ANLN: variants seen among roughly 807,000 people sequenced by gnomAD.
ANLN encodes anillin.
In ANLN, 59 loss-of-function variants were observed where a neutral mutation model predicts 135.1. The observed-to-expected ratio is 0.44, with a 90% CI of 0.35 to 0.54. ANLN has a LOEUF of 0.54. Ranked by LOEUF, ANLN falls within the 20% of genes least tolerant of loss-of-function variation. The pLI is 0.00. For missense variants in ANLN, 1,182 were observed against 1,340.0 expected, an observed-to-expected ratio of 0.88 and a Z score of 1.84; for synonymous variants, 406 against 456.4, an observed-to-expected ratio of 0.89 and a Z score of 1.41.
At position 36,420,761 on chromosome 7, in the gene ANLN, A is replaced by G; in HGVS notation, c.2163+17A>G. On this transcript the variant is annotated intron_variant, in intron 12 of 23. Coordinates refer to ENST00000265748, the MANE Select transcript of ANLN (RefSeq NM_018685.5). ...AAAATGCAGGTATGTACTTTTGTGGAAAGGGGCTTTGGAATGTTTCTTGCA... is the reference window on the plus strand; with the variant it reads ...AAAATGCAGGTATGTACTTTTGTGGGAAGGGGCTTTGGAATGTTTCTTGCA... The G allele has an allele frequency of 6.2e-7, 1 of 1,613,106 alleles. No individual in the cohort carries two copies. The highest frequency in any genetic ancestry group is 1.1e-5 in the South Asian group (1 of 90,892).
chr7:36,410,835 A>G (rs1428278096), intron 6 of ANLN, 131 bp downstream of exon 6: 3 of 1,035,674 alleles, frequency 2.9e-6, no homozygotes, highest in Middle Eastern at 2.5e-4. Flanking sequence ...CACTAATTTC[A>G]GACAAGATTG....
chr7:36,446,624 G>T (rs946789945), intron 22 of ANLN, among the ~76,000 whole-genome samples: 9 of 152,208 alleles, frequency 5.9e-5, no homozygotes, highest in African/African-American at 2.2e-4. Flanking sequence ...ATCAGTTCAT[G>T]CGAGAACTCA....
chr7:36,420,358 T>G lies in ANLN; in HGVS notation c.2015+44T>G, dbSNP rs372760041. ...GGCATTCACTCACTAAGGGTCATGG[T>G]TTAGATTGACATAAGTCGTGTTATA... On this transcript the variant is annotated intron_variant, in intron 11 of 23. Transcript: ENST00000265748. 1.9e-6 allele frequency: 3 copies of G among 1,593,510 alleles called. No homozygotes were observed. In the African/African-American group the frequency reaches 4.1e-5, roughly 22 times the overall value.
At chr7:36,410,783 A>T in intron 6 of ANLN, 79 bp downstream of exon 6, 1 of 1,395,290 alleles carries the variant, frequency 7.2e-7, no homozygotes, top group Non-Finnish European at 9.8e-7. Context: ...TTCTGATGCC[A>T]GTCTTTTTGA....
intron 11 of ANLN, 55 bp downstream of exon 11, chr7:36,420,369 A>AT (rs1259735792): frequency 1.3e-6 from 2 of 1,570,364 alleles, no homozygotes; most frequent in Non-Finnish European, 1.7e-6. Flanking sequence ...TTAGATTGAC[A>AT]TAAGTCGTGT....
chr7:36,428,943 T>A (rs1299429478), intron 20 of ANLN, among the ~76,000 whole-genome samples: 1 of 151,836 alleles, frequency 6.6e-6, no homozygotes, highest in African/African-American at 2.4e-5. Flanking sequence ...CACATCTGGC[T>A]AGTTTTTGTA....
chr7:36,445,580 T>A (rs185301693), intron 22 of ANLN, among the ~76,000 whole-genome samples: 297 of 152,312 alleles, frequency 1.9e-3, no homozygotes, highest in Non-Finnish European at 3.5e-3. Context: ...ATTCTCCTGT[T>A]TAGAGACCCT....
At position 36,420,218 on chromosome 7, in the gene ANLN, A is replaced by T; in HGVS notation, c.1919A>T (p.Asp640Val). 1.2e-6 allele frequency: 2 copies of T among 1,614,100 alleles called. No homozygotes were observed. Among genetic ancestry groups the T allele is most frequent in the Non-Finnish European group, 1.7e-6 (2 of 1,179,966 alleles). The part of the protein sequence containing the change: ...RLELKDTSRS[D>V]ESPKPGKFQR... ...GAATTGAAAGACACCAGCAGAAGTG[A>T]TGAAAGTCCAAAACCAGGAAAATTC... The change falls in exon 11 of 24, where the codon GAT becomes GTT. Residue 640 changes from aspartate (D) to valine (V), a missense_variant. Around this residue, in one of 3 missense-constraint regions of ANLN, gnomAD observed 1,022 missense variants for 1,134.0 expected, o/e 0.90. Transcript: ENST00000265748.
intron 7 of ANLN, among the ~76,000 whole-genome samples, chr7:36,412,217 T>C (rs1007589419): frequency 6.6e-6 from 1 of 151,330 alleles, no homozygotes; most frequent in Non-Finnish European, 1.5e-5. Flanking sequence ...TCCTCTGCTA[T>C]TACCGAAGTT....
intron 22 of ANLN, among the ~76,000 whole-genome samples, chr7:36,445,934 T>C (rs2116815359): frequency 6.6e-6 from 1 of 152,348 alleles, no homozygotes; most frequent in African/African-American, 2.4e-5. Context: ...AATATACTCT[T>C]ATTTAAAAAA....
intron 3 of ANLN, among the ~76,000 whole-genome samples, chr7:36,401,535 C>T (rs561424565): frequency 6.6e-6 from 1 of 151,600 alleles, no homozygotes; most frequent in South Asian, 2.1e-4. Flanking sequence ...GATGAGGTTT[C>T]ACCATGTTGT....
At chr7:36,409,230 G>C (rs566486491) in intron 5 of ANLN, among the ~76,000 whole-genome samples, 38 of 152,316 alleles carry the variant, frequency 2.5e-4, no homozygotes, top group Middle Eastern at 3.4e-3. Context: ...CAGGGTTTCA[G>C]AGATATTTAT....
At chr7:36,424,637 C>A (rs1788006573) in intron 16 of ANLN, 44 bp downstream of exon 16, 1 of 1,599,034 alleles carries the variant, frequency 6.3e-7, no homozygotes. Flanking sequence ...GTATATTTTT[C>A]TTAACAATAT....
intron 20 of ANLN, 70 bp from the exon 21 acceptor site, chr7:36,439,134 A>T (rs1554348688): frequency 2.8e-5 from 25 of 901,382 alleles, no homozygotes; most frequent in Middle Eastern, 6.3e-4. Context: ...TTCATGATTT[A>T]TACATGATTT....
intron 13 of ANLN, among the ~76,000 whole-genome samples, chr7:36,422,415 A>G (rs1787914329): frequency 1.3e-5 from 2 of 152,196 alleles, no homozygotes; most frequent in Admixed American, 1.3e-4. Context: ...GATACCACAC[A>G]TGAAAACTAG....
chr7:36,450,133 G>T (rs1305308616), intron 23 of ANLN, among the ~76,000 whole-genome samples: 2 of 152,172 alleles, frequency 1.3e-5, no homozygotes, highest in African/African-American at 4.8e-5. Context: ...AAGATTTCAT[G>T]CGTAGTTGAG....
At chr7:36,419,047 T>C (rs535114004) in intron 9 of ANLN, among the ~76,000 whole-genome samples, 197 bp from the exon 10 acceptor site, 17 of 152,294 alleles carry the variant, frequency 1.1e-4, no homozygotes, top group African/African-American at 4.1e-4. Context: ...ATTCATTTCT[T>C]AGAAAGTGTT....
chr7:36,406,588 C>T, intron 4 of ANLN, 22 bp downstream of exon 4: 1 of 1,469,980 alleles, frequency 6.8e-7, no homozygotes, highest in Non-Finnish European at 9.0e-7. Context: ...TCATTTTGGT[C>T]TTTGGAAGCC....
At chr7:36,406,686 T>G (rs1440061331) in intron 4 of ANLN, 120 bp downstream of exon 4, 1 of 926,004 alleles carries the variant, frequency 1.1e-6, no homozygotes. Context: ...AGATGCATAG[T>G]GAGTTTATAT....
Sources: allele counts gnomAD v4.1 joint callset (sites outside exome capture counted in the v4.1 genomes callset), GRCh38; gene constraint gnomAD v4.1.1; regional missense constraint gnomAD v4.1.1; transcripts MANE v1.5; gene names NCBI Gene and HGNC (gene_info 2026-07-23, HGNC 2026-07-21).